GPC6: variants seen among roughly 807,000 people sequenced by gnomAD.
GPC6 encodes glypican-6.
In GPC6, 14 loss-of-function variants were observed where a neutral mutation model predicts 55.2. The observed-to-expected ratio is 0.25, with a 90% CI of 0.17 to 0.40. The LOEUF is 0.40. Ranked by LOEUF, GPC6 falls within the 10% of genes least tolerant of loss-of-function variation. The probability of loss-of-function intolerance (pLI) is 1.00; values close to 1 mark genes in which losing one functional copy is unlikely to be tolerated. For synonymous variants in GPC6, 278 were observed against 259.6 expected (o/e 1.07, Z -0.68); for missense variants, 641 against 708.5 (o/e 0.90, Z 1.08).
chr13:93,682,789 C>T (rs573341221), intron 2 of GPC6, among the ~76,000 whole-genome samples: 5 of 146,498 alleles, frequency 3.4e-5, no homozygotes, highest in Non-Finnish European at 5.9e-5. Flanking sequence ...TGGCAGACCT[C>T]TTGAGCCCAG....
chr13:93,776,850 C>A (rs1885486171), intron 2 of GPC6, among the ~76,000 whole-genome samples: 1 of 152,172 alleles, frequency 6.6e-6, no homozygotes, highest in South Asian at 2.1e-4. Context: ...TGCAGGCTTA[C>A]AGAAACATCA....
intron 6 of GPC6, among the ~76,000 whole-genome samples, chr13:94,336,693 C>CAACA (rs1198034028): frequency 2.6e-4 from 40 of 151,532 alleles, no homozygotes; most frequent in African/African-American, 9.2e-4. Flanking sequence ...ACAACAACAA[C>CAACA]AACAACAAAA....
intron 2 of GPC6, among the ~76,000 whole-genome samples, chr13:93,665,636 G>C (rs1394295587): frequency 6.6e-6 from 1 of 152,142 alleles, no homozygotes; most frequent in Non-Finnish European, 1.5e-5. Flanking sequence ...TTATAGTAAA[G>C]GATAGCATTT....
intron 4 of GPC6, among the ~76,000 whole-genome samples, chr13:94,177,685 G>A (rs17253683): frequency 0.027 from 4,143 of 152,088 alleles, 98 homozygotes; most frequent in East Asian, 0.11. Flanking sequence ...TAAGGCCTTC[G>A]GGAAGCATTA....
intron 1 of GPC6, among the ~76,000 whole-genome samples, chr13:93,341,052 A>G (rs1469087845): frequency 6.6e-6 from 1 of 152,224 alleles, no homozygotes; most frequent in Non-Finnish European, 1.5e-5. Context: ...AATGGCCTCC[A>G]GCTCCATCCA....
At chr13:94,148,713 G>T (rs1389674598) in intron 4 of GPC6, among the ~76,000 whole-genome samples, 1 of 152,064 alleles carries the variant, frequency 6.6e-6, no homozygotes, top group Non-Finnish European at 1.5e-5. Context: ...CCCATACAAA[G>T]AGAAAATAAA....
At chr13:94,185,619 A>G (rs910673501) in intron 4 of GPC6, among the ~76,000 whole-genome samples, 1 of 152,224 alleles carries the variant, frequency 6.6e-6, no homozygotes, top group Admixed American at 6.5e-5. Context: ...AAAAGATACC[A>G]TCAATGTAAA....
chr13:93,252,511 C>A (rs1336576361), intron 1 of GPC6, among the ~76,000 whole-genome samples: 1 of 152,238 alleles, frequency 6.6e-6, no homozygotes, highest in Admixed American at 6.5e-5. Context: ...TCTCTTCAAA[C>A]TCCCTTCAAA....
At chr13:93,770,665 T>C (rs1252958683) in intron 2 of GPC6, among the ~76,000 whole-genome samples, 2 of 152,200 alleles carry the variant, frequency 1.3e-5, no homozygotes, top group Non-Finnish European at 2.9e-5. Flanking sequence ...CTATGGACTG[T>C]AATGATTTCT....
intron 2 of GPC6, among the ~76,000 whole-genome samples, chr13:93,692,389 GTATACTA>G (rs1371960941): frequency 6.6e-6 from 1 of 152,076 alleles, no homozygotes; most frequent in Admixed American, 6.6e-5. Context: ...TTGAAGAAAA[GTATACTA>G]TAAGTTTTTA....
At chr13:94,074,631 A>G (rs1017320454) in intron 4 of GPC6, among the ~76,000 whole-genome samples, 6 of 152,220 alleles carry the variant, frequency 3.9e-5, no homozygotes, top group African/African-American at 1.2e-4. Context: ...ACGGAAGCAG[A>G]GCAGACAATT....
At chr13:94,321,199 A>G (rs1876805149) in intron 6 of GPC6, among the ~76,000 whole-genome samples, 1 of 152,184 alleles carries the variant, frequency 6.6e-6, no homozygotes, top group Non-Finnish European at 1.5e-5. Flanking sequence ...TTAGGATAGG[A>G]ACAGATAGTG....
At chr13:93,787,211 A>G (rs74110909) in intron 2 of GPC6, among the ~76,000 whole-genome samples, 23 of 152,366 alleles carry the variant, frequency 1.5e-4, no homozygotes, top group African/African-American at 5.5e-4. Context: ...CATGTGCTTT[A>G]AATTCTCCCT....
At chr13:93,677,899 CA>C (rs1328139987) in intron 2 of GPC6, among the ~76,000 whole-genome samples, 8 of 152,160 alleles carry the variant, frequency 5.3e-5, no homozygotes, top group African/African-American at 1.9e-4. Flanking sequence ...TAACTAATTG[CA>C]TTTGTGTTAA....
At chr13:94,181,923 G>A (rs1889010616) in intron 4 of GPC6, among the ~76,000 whole-genome samples, 1 of 152,186 alleles carries the variant, frequency 6.6e-6, no homozygotes, top group Non-Finnish European at 1.5e-5. Flanking sequence ...AGGTCACATA[G>A]TTCTTACTTT....
At chr13:94,165,810 A>G (rs904206318) in intron 4 of GPC6, among the ~76,000 whole-genome samples, 5 of 152,178 alleles carry the variant, frequency 3.3e-5, no homozygotes, top group Non-Finnish European at 5.9e-5. Context: ...TCAGAATAAT[A>G]TGATTCTGTT....
intron 1 of GPC6, among the ~76,000 whole-genome samples, chr13:93,537,813 G>A (rs1453196622): frequency 6.6e-6 from 1 of 152,074 alleles, no homozygotes; most frequent in African/African-American, 2.4e-5. Context: ...CACATAGTTA[G>A]TAAGTGGTAA....
At chr13:93,934,764 G>A (rs1369939595) in intron 3 of GPC6, among the ~76,000 whole-genome samples, 1 of 150,566 alleles carries the variant, frequency 6.6e-6, no homozygotes, top group Admixed American at 6.6e-5. Flanking sequence ...ATAAATTTAA[G>A]GATACAATAT....
Position 93,674,868 on chromosome 13 carries a change from G to A in GPC6, c.319+129447G>A, listed in dbSNP as rs1396799923. Among the ~76,000 whole-genome samples, 7 of 152,076 alleles carry A rather than the reference G, an allele frequency of 4.6e-5. No individual in the cohort carries two copies. The East Asian group carries it at 7.7e-4, about 17-fold the overall frequency. The stretch of plus-strand genomic sequence containing the variant: ...ATGACTTGGCTGCTTCATGTCAGAT[G>A]TTCTCTCCAAAGAAAGACAGTGTAA... On this transcript the variant is annotated intron_variant, in intron 2 of 8. Coordinates refer to ENST00000377047, the MANE Select transcript of GPC6 (RefSeq NM_005708.5).
Sources: allele counts gnomAD v4.1 joint callset (sites outside exome capture counted in the v4.1 genomes callset), GRCh38; gene constraint gnomAD v4.1.1; transcripts MANE v1.5; gene names NCBI Gene and HGNC (gene_info 2026-07-23, HGNC 2026-07-21).